Variants in IL2RB observed in about 807,000 individuals in gnomAD.
IL2RB encodes interleukin 2 receptor subunit beta.
A neutral mutation model predicts 44.2 loss-of-function variants in IL2RB; 17 were observed. That is an observed-to-expected ratio of 0.38 (90% CI 0.26 to 0.58). The LOEUF (loss-of-function observed/expected upper bound fraction) is 0.58, where lower values mean the gene tolerates loss of function less well. Ranked by LOEUF, IL2RB falls within the 20% of genes least tolerant of loss-of-function variation. The probability of loss-of-function intolerance (pLI) is 0.63; values close to 1 mark genes in which losing one functional copy is unlikely to be tolerated. For synonymous variants in IL2RB, 286 were observed against 297.9 expected (o/e 0.96, Z 0.41); for missense variants, 624 against 685.5 (o/e 0.91, Z 1.00).
At chr22:37,171,496 A>T (rs1923283982) in intron 1 of IL2RB, among the ~76,000 whole-genome samples, 1 of 152,220 alleles carries the variant, frequency 6.6e-6, no homozygotes, top group African/African-American at 2.4e-5. Context: ...ATCAGAAAAG[A>T]AAAAATGGGA....
At chr22:37,136,129 G>T in intron 7 of IL2RB, 99 bp downstream of exon 7, 2 of 1,308,014 alleles carry the variant, frequency 1.5e-6, no homozygotes, top group Non-Finnish European at 1.0e-6. Context: ...GGAGCTGACT[G>T]CTATACCCTC....
At chr22:37,144,886 A>T (rs1922154272) in intron 1 of IL2RB, among the ~76,000 whole-genome samples, 1 of 152,248 alleles carries the variant, frequency 6.6e-6, no homozygotes, top group African/African-American at 2.4e-5. Flanking sequence ...ACGTAAGCTC[A>T]CTAAGGACAG....
intron 7 of IL2RB, among the ~76,000 whole-genome samples, chr22:37,135,735 G>T (rs1287726088): frequency 6.7e-6 from 1 of 148,808 alleles, no homozygotes; most frequent in African/African-American, 2.5e-5. Flanking sequence ...CCAGCTGGCT[G>T]CACCCCTCTC....
intron 7 of IL2RB, among the ~76,000 whole-genome samples, chr22:37,135,929 G>A (rs138475528): frequency 7.2e-5 from 11 of 152,254 alleles, no homozygotes; most frequent in South Asian, 2.1e-4. Context: ...AGATCAGGCC[G>A]AGAGGTGAAA....
At chr22:37,153,280 C>G (rs1569050654), upstream of IL2RB, among the ~76,000 whole-genome samples, 1 of 151,228 alleles carries the variant, frequency 6.6e-6, no homozygotes, top group Non-Finnish European at 1.5e-5. Flanking sequence ...GAGACGGCAG[C>G]TCTGCAAATG....
chr22:37,158,418 G>A (rs574502452), intron 1 of IL2RB, among the ~76,000 whole-genome samples: 11 of 152,256 alleles, frequency 7.2e-5, no homozygotes, highest in African/African-American at 2.6e-4. Context: ...TTAGCCGGGC[G>A]TGGTGGTGGG....
intron 1 of IL2RB, among the ~76,000 whole-genome samples, chr22:37,145,429 CT>C (rs965482294): frequency 5.9e-4 from 86 of 146,798 alleles, no homozygotes; most frequent in East Asian, 5.9e-4. Context: ...TATTTATTTA[CT>C]TTTTTTTTTT....
intron 8 of IL2RB, among the ~76,000 whole-genome samples, chr22:37,135,084 G>C (rs1921616449): frequency 6.6e-6 from 1 of 152,182 alleles, no homozygotes; most frequent in African/African-American, 2.4e-5. Flanking sequence ...GGGCCCCCCT[G>C]TGGGGATGCG....
chr22:37,162,657 A>T (rs1187860661), intron 1 of IL2RB, among the ~76,000 whole-genome samples: 2 of 152,152 alleles, frequency 1.3e-5, no homozygotes, highest in Non-Finnish European at 2.9e-5. Context: ...CGGAGTCACA[A>T]ACCCATTCTG....
Position 37,143,538 on chromosome 22 carries a change from A to G in IL2RB, c.186T>C (p.His62=), listed in dbSNP as rs374479635. 5.6e-6 allele frequency: 9 copies of G among 1,612,356 alleles called. No individual in the cohort carries two copies. The African/African-American group carries it at 9.3e-5, about 17-fold the overall frequency. ...GGACTCACCGTCTGTCCGGCCAGGC[A>G]TGGACTTGGCAGGAAGTGTCCTGCA... ...GALQDTSCQV[H]AWPDRRRWNQ... Residue 62 remains histidine (H), a synonymous_variant, in exon 3 of 10, where the codon CAT becomes CAC. Coordinates refer to ENST00000216223, the MANE Select transcript of IL2RB (RefSeq NM_000878.5).
At chr22:37,167,149 G>A (rs1569055407) in intron 1 of IL2RB, among the ~76,000 whole-genome samples, 2 of 152,146 alleles carry the variant, frequency 1.3e-5, no homozygotes, top group Non-Finnish European at 2.9e-5. Context: ...GATCAGAAAC[G>A]GGAGCACCTC....
chr22:37,128,590 A>G lies in IL2RB; in HGVS notation c.1162T>C (p.Ser388Pro). Residue 388 changes from serine (S) to proline (P), a missense_variant, in exon 10 of 10, where the codon TCA becomes CCA. Physicochemically the swap from Ser to Pro is moderately conservative, Grantham distance 74. Around this residue, in one of 3 missense-constraint regions of IL2RB, gnomAD observed 291 missense variants for 275.5 expected, o/e 1.06. Coordinates refer to ENST00000216223, the MANE Select transcript of IL2RB (RefSeq NM_000878.5). This position sits in a 1 kb window ranked among gnomAD's most constrained non-coding sequence, Gnocchi z 4.5. ...CQVYFTYDPYSEEDPDEGVAG... is the reference protein window; with the variant it reads ...CQVYFTYDPYPEEDPDEGVAG... ...ACACCCTCATCAGGGTCTTCCTCTG[A>G]GTAGGGGTCGTAAGTAAAGTACACC... 1 of 1,614,042 alleles carries G rather than the reference A, an allele frequency of 6.2e-7. No homozygotes were observed. Among genetic ancestry groups the G allele is most frequent in the Non-Finnish European group, 8.5e-7 (1 of 1,179,960 alleles).
chr22:37,167,071 C>G (rs908430274), intron 1 of IL2RB: 1 of 152,632 alleles, frequency 6.6e-6, no homozygotes, highest in Non-Finnish European at 1.5e-5. Context: ...CCTCATCCCA[C>G]CTAACCCCCA....
At chr22:37,134,126 AT>A (rs1569042289) in intron 8 of IL2RB, among the ~76,000 whole-genome samples, 1 of 152,184 alleles carries the variant, frequency 6.6e-6, no homozygotes, top group Non-Finnish European at 1.5e-5. Flanking sequence ...GATCAAAAAT[AT>A]TCAGGAAAAA....
intron 4 of IL2RB, among the ~76,000 whole-genome samples, chr22:37,139,566 T>G (rs1921865475): frequency 6.6e-6 from 1 of 152,142 alleles, no homozygotes; most frequent in Non-Finnish European, 1.5e-5. Context: ...CAACACTTGA[T>G]CTAAAATGAA....
intron 6 of IL2RB, among the ~76,000 whole-genome samples, chr22:37,136,998 T>G (rs1449054997): frequency 3.9e-5 from 6 of 152,162 alleles, no homozygotes; most frequent in Non-Finnish European, 8.8e-5. Context: ...CTTGCCCCGT[T>G]GGGTTTTCTT....
chr22:37,138,493 C>A (rs1035650085), intron 5 of IL2RB, among the ~76,000 whole-genome samples: 1 of 152,222 alleles, frequency 6.6e-6, no homozygotes, highest in Non-Finnish European at 1.5e-5. Context: ...TGGAGATGGC[C>A]CCCAAGGTCA....
In IL2RB at chr22:37,126,968, C is replaced by G. The variant is rs1921147315; in HGVS notation, c.*1128G>C. The G allele has an allele frequency of 1.3e-5, 2 of 152,294 alleles. No individual in the cohort carries two copies. The highest frequency in any genetic ancestry group is 4.8e-5 in the African/African-American group (2 of 41,438). The allele number at this position is 152,294 out of a possible 1,614,324, so 9.4% of individuals were successfully genotyped here. ...TGGGGCAGTGAAAAATAATGAGGCC[C>G]TGCCCTGTGGAGCTGCCCTTCTGGA... On this transcript the variant is annotated 3_prime_UTR_variant, in exon 10 of 10. Transcript: ENST00000216223.
At chr22:37,154,341 G>A (rs567721514), upstream of IL2RB, among the ~76,000 whole-genome samples, 3 of 152,240 alleles carry the variant, frequency 2.0e-5, no homozygotes, top group South Asian at 2.1e-4. Context: ...CATGGCCTGT[G>A]GGAGCACGTA....
Sources: allele counts gnomAD v4.1 joint callset (sites outside exome capture counted in the v4.1 genomes callset), GRCh38; gene constraint gnomAD v4.1.1; regional missense constraint gnomAD v4.1.1; non-coding constraint Gnocchi (gnomAD v3.1); transcripts MANE v1.5; gene names NCBI Gene and HGNC (gene_info 2026-07-23, HGNC 2026-07-21).